The following HS6ST3 variants were observed in gnomAD, a reference collection of about 807,000 sequenced individuals.
HS6ST3 encodes heparan sulfate 6-O-sulfotransferase 3, also known as heparan-sulfate 6-O-sulfotransferase 3.
HS6ST3 carries 12 observed loss-of-function variants against 36.7 expected under a neutral mutation model. The ratio of observed to expected loss-of-function variants is 0.33; its 90% CI spans 0.21 to 0.53. HS6ST3 has a LOEUF of 0.53. HS6ST3 is among the 20% of genes least tolerant of loss of function. HS6ST3 has a pLI of 0.95. For missense variants in HS6ST3, 584 were observed against 640.9 expected (o/e 0.91, Z 0.96); for synonymous variants, 240 against 257.5 (o/e 0.93, Z 0.65).
At chr13:96,184,329 T>C (rs1016069737) in intron 1 of HS6ST3, among the ~76,000 whole-genome samples, 24 of 151,980 alleles carry the variant, frequency 1.6e-4, no homozygotes, top group African/African-American at 5.8e-4. Flanking sequence ...TGCTATCTGT[T>C]GTACTTGGAA....
intron 1 of HS6ST3, among the ~76,000 whole-genome samples, chr13:96,214,032 G>A (rs970319605): frequency 1.3e-5 from 2 of 152,130 alleles, no homozygotes; most frequent in African/African-American, 2.4e-5. Context: ...GTCTCTGCGG[G>A]TCCTCTCAGG....
chr13:96,486,665 T>C (rs562367669), intron 1 of HS6ST3, among the ~76,000 whole-genome samples: 1 of 152,348 alleles, frequency 6.6e-6, no homozygotes, highest in Admixed American at 6.5e-5. Context: ...AAATGTCTTC[T>C]TTTGAGAAGT....
intron 1 of HS6ST3, among the ~76,000 whole-genome samples, chr13:96,393,047 T>C (rs2055404011): frequency 6.6e-6 from 1 of 152,126 alleles, no homozygotes; most frequent in Admixed American, 6.5e-5. Flanking sequence ...TGATAGTAAC[T>C]ACATCTCATG....
At chr13:96,375,962 C>T (rs547321380) in intron 1 of HS6ST3, among the ~76,000 whole-genome samples, 42 of 152,176 alleles carry the variant, frequency 2.8e-4, no homozygotes, top group African/African-American at 1.0e-3. Flanking sequence ...TTTTTGTCTT[C>T]AGTGTTTTGA....
intron 1 of HS6ST3, among the ~76,000 whole-genome samples, chr13:96,270,734 A>G (rs2054715601): frequency 6.6e-6 from 1 of 151,952 alleles, no homozygotes; most frequent in African/African-American, 2.4e-5. Context: ...ACAAGACTAC[A>G]AGGCAGACTG....
intron 1 of HS6ST3, among the ~76,000 whole-genome samples, chr13:96,610,501 T>G (rs182685391): frequency 6.6e-6 from 1 of 152,348 alleles, no homozygotes; most frequent in African/African-American, 2.4e-5. Context: ...GTTATTCTCC[T>G]GTATAATGAA....
intron 1 of HS6ST3, among the ~76,000 whole-genome samples, chr13:96,820,328 T>C (rs907947774): frequency 6.6e-6 from 1 of 152,216 alleles, no homozygotes; most frequent in Non-Finnish European, 1.5e-5. Context: ...ATTTGAAATT[T>C]CACTCTATTT....
At chr13:96,429,340 A>C (rs2139473468) in intron 1 of HS6ST3, among the ~76,000 whole-genome samples, 1 of 152,356 alleles carries the variant, frequency 6.6e-6, no homozygotes. Flanking sequence ...ATTGGATTGA[A>C]GTTAGATATA....
At chr13:96,539,876 A>G (rs2138941292) in intron 1 of HS6ST3, among the ~76,000 whole-genome samples, 1 of 151,898 alleles carries the variant, frequency 6.6e-6, no homozygotes, top group Middle Eastern at 3.4e-3. Flanking sequence ...ATCTTCAACT[A>G]CTCCCTTATG....
chr13:96,141,902 T>C lies in HS6ST3; in HGVS notation c.707+50333T>C, dbSNP rs569067432. ...ATCTTTGAAAATGCCATCACTGTTA[T>C]AAAGTTGTAAATGCCATCAAGCCTG... On this transcript the variant is annotated intron_variant, in intron 1 of 1. Coordinates refer to ENST00000376705, the MANE Select transcript of HS6ST3 (RefSeq NM_153456.4). Among the ~76,000 whole-genome samples, 10 of 152,230 alleles carry C rather than the reference T, an allele frequency of 6.6e-5. 1 individual carries two copies. Among genetic ancestry groups the C allele is most frequent in the Non-Finnish European group, 8.8e-5 (6 of 68,012 alleles).
At chr13:96,677,057 A>G (rs1371702363) in intron 1 of HS6ST3, among the ~76,000 whole-genome samples, 1 of 152,176 alleles carries the variant, frequency 6.6e-6, no homozygotes. Flanking sequence ...TTTGTGGTAG[A>G]GCAAGGGTCA....
intron 1 of HS6ST3, among the ~76,000 whole-genome samples, chr13:96,715,779 G>T (rs974762794): frequency 6.6e-6 from 1 of 151,924 alleles, no homozygotes; most frequent in Non-Finnish European, 1.5e-5. Context: ...GTTATATCAA[G>T]ATTTTTAGTT....
At chr13:96,387,928 G>GT (rs1417792838) in intron 1 of HS6ST3, among the ~76,000 whole-genome samples, 2 of 152,162 alleles carry the variant, frequency 1.3e-5, no homozygotes, top group Non-Finnish European at 2.9e-5. Context: ...GCCATCTGGT[G>GT]TAGGTTTCGC....
At chr13:96,645,636 A>T (rs1173986281) in intron 1 of HS6ST3, among the ~76,000 whole-genome samples, 1 of 151,868 alleles carries the variant, frequency 6.6e-6, no homozygotes, top group African/African-American at 2.4e-5. Flanking sequence ...CATATTTAAT[A>T]GAGAGCAGCA....
In HS6ST3 at chr13:96,163,346, T is replaced by C. The variant is rs376910141; in HGVS notation, c.707+71777T>C. Among the ~76,000 whole-genome samples, 173 of 151,362 alleles carry C rather than the reference T, an allele frequency of 1.1e-3. 3 individuals are homozygous for C. The South Asian group carries it at 0.02, about 17-fold the overall frequency. On this transcript the variant is annotated intron_variant, in intron 1 of 1. Transcript: ENST00000376705. Reference sequence around the variant, plus strand: ...CCGGGTTCACGACATTCTCCTGCCTTAGCCTCCTGAGTATCTGGGACTACA... The same window carrying C: ...CCGGGTTCACGACATTCTCCTGCCTCAGCCTCCTGAGTATCTGGGACTACA...
At chr13:96,526,585 G>T (rs916571492) in intron 1 of HS6ST3, among the ~76,000 whole-genome samples, 7 of 152,158 alleles carry the variant, frequency 4.6e-5, no homozygotes, top group Admixed American at 3.3e-4. Flanking sequence ...ATTGGGAGTG[G>T]TTAGAAGTGT....
In HS6ST3 at chr13:96,386,589, G is replaced by A. The variant is rs184627399; in HGVS notation, c.707+295020G>A. Among the ~76,000 whole-genome samples, 933 of 152,174 alleles carry A rather than the reference G, an allele frequency of 6.1e-3. 6 individuals carry two copies. Among genetic ancestry groups the A allele is most frequent in the Non-Finnish European group, 0.011 (737 of 68,018 alleles). ...CTCAATAAAAAATAAAAAATTGGCCGGGTGCAGTGGCTCACACCTGTAATC... is the reference window on the plus strand; with the variant it reads ...CTCAATAAAAAATAAAAAATTGGCCAGGTGCAGTGGCTCACACCTGTAATC... On this transcript the variant is annotated intron_variant, in intron 1 of 1. Coordinates refer to ENST00000376705, the MANE Select transcript of HS6ST3 (RefSeq NM_153456.4).
chr13:96,261,519 C>A (rs9516654), intron 1 of HS6ST3, among the ~76,000 whole-genome samples: 69,483 of 151,766 alleles, frequency 0.46, 16,717 homozygotes, highest in Admixed American at 0.57. Context: ...TAAATATGCA[C>A]AAATACAAGA....
chr13:96,606,113 A>G (rs2056437816), intron 1 of HS6ST3, among the ~76,000 whole-genome samples: 1 of 152,162 alleles, frequency 6.6e-6, no homozygotes, highest in Non-Finnish European at 1.5e-5. Context: ...GGACACTTAT[A>G]CACTGTTGGG....
Sources: gnomAD v4.1 joint callset for allele counts (sites outside exome capture counted in the v4.1 genomes callset) on GRCh38, gnomAD v4.1.1 for gene constraint, MANE v1.5 for transcripts, NCBI Gene and HGNC (gene_info 2026-07-23, HGNC 2026-07-21) for gene names.